The following CCDC7 variants were observed in gnomAD, a reference collection of about 807,000 sequenced individuals.
CCDC7 encodes coiled-coil domain containing 7, also known as coiled-coil domain-containing protein 7.
In CCDC7, 183 loss-of-function variants were observed where a neutral mutation model predicts 196.9. That is an observed-to-expected ratio of 0.93 (90% CI 0.82 to 1.05). The LOEUF (loss-of-function observed/expected upper bound fraction) is 1.05, where lower values mean the gene tolerates loss of function less well. CCDC7 is among the 50% of genes least tolerant of loss of function. CCDC7 has a pLI of 0.00. For missense variants in CCDC7, 1,540 were observed against 1,482.2 expected (o/e 1.04, Z -0.64); for synonymous variants, 525 against 484.6 (o/e 1.08, Z -1.10).
chr10:32,878,926 T>C (rs1420617596), downstream of CCDC7, among the ~76,000 whole-genome samples: 3 of 152,178 alleles, frequency 2.0e-5, no homozygotes, highest in Non-Finnish European at 4.4e-5. Context: ...CAACAAATGC[T>C]GTCCAGAAAG....
At chr10:32,463,148 G>T (rs1434584260) in intron 5 of CCDC7, 99 bp downstream of exon 6, 7 of 1,443,810 alleles carry the variant, frequency 4.8e-6, no homozygotes, top group Non-Finnish European at 5.7e-6. Context: ...AGTCATTTTT[G>T]AATAACTGTT....
At chr10:32,678,236 T>C (rs1027337190) in intron 21 of CCDC7, among the ~76,000 whole-genome samples, 8 of 152,176 alleles carry the variant, frequency 5.3e-5, no homozygotes, top group African/African-American at 1.9e-4. Context: ...TAAGAATCTC[T>C]TATTTGAGCT....
chr10:32,667,938 G>A (rs1022648964), intron 21 of CCDC7, among the ~76,000 whole-genome samples: 7 of 152,118 alleles, frequency 4.6e-5, no homozygotes, highest in African/African-American at 7.2e-5. Flanking sequence ...GGATGGCATT[G>A]AATCTATAAA....
chr10:32,515,081 C>T (rs1182276585), intron 9 of CCDC7, among the ~76,000 whole-genome samples: 1 of 152,144 alleles, frequency 6.6e-6, no homozygotes, highest in Non-Finnish European at 1.5e-5. Context: ...CTGCCTTGGC[C>T]TCCCAAAGTT....
intron 23 of CCDC7, among the ~76,000 whole-genome samples, chr10:32,693,580 A>G (rs1288444792): frequency 6.6e-6 from 1 of 152,164 alleles, no homozygotes; most frequent in South Asian, 2.1e-4. Context: ...CATATGTACT[A>G]TACCATAGTG....
At chr10:32,519,383 G>T (rs2047533877) in intron 11 of CCDC7, among the ~76,000 whole-genome samples, 1 of 152,152 alleles carries the variant, frequency 6.6e-6, no homozygotes, top group African/African-American at 2.4e-5. Context: ...ATGGCTTGAG[G>T]ATGTTGCAGC....
chr10:32,772,359 G>A (rs1211211246), intron 28 of CCDC7, among the ~76,000 whole-genome samples: 1 of 152,210 alleles, frequency 6.6e-6, no homozygotes, highest in African/African-American at 2.4e-5. Context: ...GTCCCAGTCA[G>A]CCTGTAATCA....
intron 28 of CCDC7, among the ~76,000 whole-genome samples, chr10:32,763,489 G>A (rs377058238): frequency 1.3e-5 from 2 of 151,792 alleles, no homozygotes; most frequent in South Asian, 4.1e-4. Flanking sequence ...GGGTACATAC[G>A]CAAAGGAAAT....
intron 37 of CCDC7, among the ~76,000 whole-genome samples, chr10:32,846,992 A>G (rs2093324795): frequency 6.6e-6 from 1 of 152,192 alleles, no homozygotes; most frequent in Non-Finnish European, 1.5e-5. Flanking sequence ...TTATGTAGTT[A>G]TACAATTTTC....
intron 24 of CCDC7, among the ~76,000 whole-genome samples, chr10:32,701,120 C>G (rs903191257): frequency 6.6e-6 from 1 of 152,304 alleles, no homozygotes; most frequent in Admixed American, 6.5e-5. Flanking sequence ...GAGAGGGCAT[C>G]CCTGTCTTGT....
intron 28 of CCDC7, among the ~76,000 whole-genome samples, chr10:32,764,841 A>T (rs1592519259): frequency 7.3e-6 from 1 of 137,340 alleles, no homozygotes; most frequent in African/African-American, 3.6e-5. Flanking sequence ...ATTGGGTCTC[A>T]GAGGCCAAGT....
chr10:32,453,199 T>C (rs1339255018), intron 1 of CCDC7, 145 bp from the exon 3 acceptor site: 1 of 478,384 alleles, frequency 2.1e-6, no homozygotes, highest in Non-Finnish European at 3.2e-6. Flanking sequence ...GGGTATGGGA[T>C]GAAAAATTTA....
Position 32,793,704 on chromosome 10 carries a change from T to C in CCDC7, c.3014-11311T>C, listed in dbSNP as rs1275312421. 2.0e-5 allele frequency among the ~76,000 whole-genome samples: 3 copies of C among 152,224 alleles called. No individual in the cohort carries two copies. The East Asian group carries it at 5.8e-4, about 29-fold the overall frequency. ...TCAAGAAAATGTTGTTTAATTTCCA[T>C]GTGTTAATACAATTTCCAAGGTTTG... is the stretch of plus-strand genomic sequence containing the variant. On this transcript the variant is annotated intron_variant, in intron 29 of 41. Coordinates refer to ENST00000639629, the Ensembl canonical transcript of CCDC7.
chr10:32,756,654 A>T (rs2076506757), intron 28 of CCDC7, among the ~76,000 whole-genome samples: 1 of 152,238 alleles, frequency 6.6e-6, no homozygotes, highest in Non-Finnish European at 1.5e-5. Context: ...AAACATGCCA[A>T]ATTGTAAAGA....
At chr10:32,687,511 T>G (rs2076595939) in intron 22 of CCDC7, among the ~76,000 whole-genome samples, 1 of 152,166 alleles carries the variant, frequency 6.6e-6, no homozygotes, top group Non-Finnish European at 1.5e-5. Flanking sequence ...CACCCATAGT[T>G]GTGTTTGGGT....
At chr10:32,660,317 T>C (rs1478646363) in intron 20 of CCDC7, among the ~76,000 whole-genome samples, 5 of 131,650 alleles carry the variant, frequency 3.8e-5, no homozygotes, top group African/African-American at 8.6e-5. Context: ...GATGTTCCCC[T>C]TCCTGTGTCC....
chr10:32,457,540 TAC>T (rs2034623321), intron 3 of CCDC7, among the ~76,000 whole-genome samples: 1 of 152,190 alleles, frequency 6.6e-6, no homozygotes, highest in Non-Finnish European at 1.5e-5. Flanking sequence ...CCTGTGGATA[TAC>T]ACCCAGTAGT....
intron 41 of CCDC7, among the ~76,000 whole-genome samples, chr10:32,873,463 C>A (rs958767062): frequency 3.3e-5 from 5 of 151,906 alleles, no homozygotes; most frequent in Admixed American, 3.3e-4. Context: ...TTTTTAACTT[C>A]TTTGCCGTGG....
intron 28 of CCDC7, among the ~76,000 whole-genome samples, chr10:32,767,656 A>G (rs978430082): frequency 1.3e-5 from 2 of 152,082 alleles, no homozygotes; most frequent in African/African-American, 4.8e-5. Context: ...GGTACGAGCA[A>G]GTCCAGACTG....
Sources: gnomAD v4.1 joint callset for allele counts (sites outside exome capture counted in the v4.1 genomes callset) on GRCh38, gnomAD v4.1.1 for gene constraint, MANE v1.5 for transcripts, NCBI Gene and HGNC (gene_info 2026-07-23, HGNC 2026-07-21) for gene names.